The following SHANK2 variants were observed in gnomAD, a reference collection of about 807,000 sequenced individuals.
SHANK2 encodes the protein SH3 and multiple ankyrin repeat domains 2, also known as SH3 and multiple ankyrin repeat domains protein 2.
In SHANK2, 43 loss-of-function variants were observed where a neutral mutation model predicts 133.7. The observed-to-expected ratio is 0.32, with a 90% CI of 0.25 to 0.41. SHANK2 has a LOEUF of 0.41. Ranked by LOEUF, SHANK2 falls within the 10% of genes least tolerant of loss-of-function variation. The pLI is 1.00. For missense variants in SHANK2, 1,994 were observed against 2,235.8 expected (o/e 0.89, Z 2.18); for synonymous variants, 1,017 against 952.8 (o/e 1.07, Z -1.24).
chr11:71,108,272 C>T (rs1248439019), intron 6 of SHANK2, among the ~76,000 whole-genome samples: 1 of 152,228 alleles, frequency 6.6e-6, no homozygotes, highest in African/African-American at 2.4e-5. Flanking sequence ...GACGCATCCA[C>T]GTCAGGGAAA....
intron 9 of SHANK2, among the ~76,000 whole-genome samples, chr11:71,066,038 G>GT (rs1951053132): frequency 1.0e-4 from 5 of 49,078 alleles, no homozygotes; most frequent in Non-Finnish European, 1.5e-4. Flanking sequence ...GGGGAAGTTG[G>GT]GGGAGGGTAC....
intron 17 of SHANK2, among the ~76,000 whole-genome samples, chr11:70,573,551 G>GT (rs1439738711): frequency 1.0e-5 from 1 of 96,784 alleles, no homozygotes. Context: ...TGTGGGGGCG[G>GT]GGGGGGGGTG....
At chr11:70,577,485 G>A (rs1194402931) in intron 17 of SHANK2, among the ~76,000 whole-genome samples, 2 of 152,242 alleles carry the variant, frequency 1.3e-5, no homozygotes, top group African/African-American at 4.8e-5. Flanking sequence ...GCCACAGGCG[G>A]GTTTGCAGAA....
At chr11:70,874,727 G>A (rs1001376819) in intron 11 of SHANK2, among the ~76,000 whole-genome samples, 10 of 146,700 alleles carry the variant, frequency 6.8e-5, no homozygotes, top group African/African-American at 1.5e-4. Context: ...ATCCACTGCC[G>A]TTTCAAATTT....
intron 9 of SHANK2, among the ~76,000 whole-genome samples, chr11:71,069,085 CCAT>C (rs1415635282): frequency 2.0e-5 from 3 of 149,724 alleles, no homozygotes; most frequent in African/African-American, 7.4e-5. Context: ...ACCACCACCA[CCAT>C]CATCACCATC....
chr11:70,911,223 TTTTTG>T (rs1224508710), intron 10 of SHANK2: 19 of 455,836 alleles, frequency 4.2e-5, no homozygotes, highest in Non-Finnish European at 7.5e-5. Flanking sequence ...GTTGTTGTTC[TTTTTG>T]TTTTGTTTTG....
chr11:70,473,573 G>T lies in SHANK2; in HGVS notation c.4980-134C>A. ...GTCTAGTGGCAGATCCACTGGCAGT[G>T]AACGAATGATTTGCCATGCCAGGGT... On this transcript the variant is annotated intron_variant, in intron 25 of 25. Transcript: ENST00000601538. The surrounding 1 kb of genome is among the most constrained non-coding windows in gnomAD (Gnocchi z 5.9). The T allele has an allele frequency of 2.4e-6, 2 of 818,692 alleles. No homozygotes were observed. Among genetic ancestry groups the T allele is most frequent in the Non-Finnish European group, 4.0e-6 (2 of 498,256 alleles). 50.7% of individuals were successfully genotyped at this position (818,692 alleles called of 1,614,324 possible). A position where few individuals can be genotyped will look rare whatever the true frequency, so the allele number is the denominator to read the frequency against.
intron 11 of SHANK2, chr11:70,826,538 T>C (rs904296012): frequency 6.4e-6 from 3 of 471,160 alleles, no homozygotes; most frequent in Admixed American, 4.7e-5. Context: ...CCGCTCATTA[T>C]ATAACCTTCC....
intron 2 of SHANK2, among the ~76,000 whole-genome samples, chr11:71,200,829 AAT>A: frequency 8.9e-6 from 1 of 112,032 alleles, no homozygotes; most frequent in Non-Finnish European, 1.7e-5. Flanking sequence ...AGTCTCAATT[AAT>A]ACACACACAC....
chr11:70,889,629 T>TC (rs2094858471), intron 11 of SHANK2, among the ~76,000 whole-genome samples: 1 of 152,096 alleles, frequency 6.6e-6, no homozygotes, highest in Non-Finnish European at 1.5e-5. Context: ...GACCACTGAG[T>TC]CAGACTCTGA....
At chr11:71,242,220 G>C (rs1714061882) in intron 1 of SHANK2, among the ~76,000 whole-genome samples, 1 of 151,986 alleles carries the variant, frequency 6.6e-6, no homozygotes, top group Non-Finnish European at 1.5e-5. Context: ...TGGTCGCCAG[G>C]GGCTGGGAGA....
At chr11:70,798,297 G>A (rs1372745944) in intron 14 of SHANK2, 146 bp downstream of exon 14, 3 of 657,116 alleles carry the variant, frequency 4.6e-6, no homozygotes, top group African/African-American at 3.6e-5. Context: ...CAACCAACCT[G>A]TTTCCAAAGA....
rs145135404 is a variant in SHANK2, at chr11:70,541,657, C to T, written c.2062-38726G>A. Among the ~76,000 whole-genome samples, 934 of 152,334 alleles carry T rather than the reference C, an allele frequency of 6.1e-3. 8 individuals are homozygous for T. The highest frequency in any genetic ancestry group is 0.022 in the African/African-American group (896 of 41,570). ...ATGGCCTAAGGCAGTGGTTTTCAAG[C>T]GGGGGAAACGGTGCCCCCCACAAAA... is the stretch of plus-strand genomic sequence containing the variant. On this transcript the variant is annotated intron_variant, in intron 17 of 25. Coordinates refer to ENST00000601538, the MANE Select transcript of SHANK2 (RefSeq NM_012309.5).
At chr11:71,094,183 C>T (rs1156828963) in intron 7 of SHANK2, among the ~76,000 whole-genome samples, 1 of 152,094 alleles carries the variant, frequency 6.6e-6, no homozygotes, top group Non-Finnish European at 1.5e-5. Context: ...TGGCTTAACA[C>T]CACCCACTCA....
chr11:70,581,576 A>G (rs1435644920), intron 17 of SHANK2, among the ~76,000 whole-genome samples: 1 of 152,204 alleles, frequency 6.6e-6, no homozygotes, highest in East Asian at 1.9e-4. Flanking sequence ...CTGTAATCCC[A>G]GCTACTCGGG....
At chr11:70,877,350 C>A (rs548299681) in intron 11 of SHANK2, among the ~76,000 whole-genome samples, 1 of 152,222 alleles carries the variant, frequency 6.6e-6, no homozygotes, top group Non-Finnish European at 1.5e-5. Flanking sequence ...GCTTCCTGGG[C>A]CGGATTTCTA....
At chr11:71,110,529 G>A (rs764131515) in intron 5 of SHANK2, among the ~76,000 whole-genome samples, 2 of 152,288 alleles carry the variant, frequency 1.3e-5, no homozygotes, top group African/African-American at 2.4e-5. Context: ...CGCCTGAGCC[G>A]AGGCTGCAGT....
chr11:70,661,554 C>T (rs782251921), intron 16 of SHANK2, 42 bp downstream of exon 16: 2 of 1,353,584 alleles, frequency 1.5e-6, no homozygotes, highest in Non-Finnish European at 2.1e-6. Flanking sequence ...CACACACACA[C>T]AAACATGGGA....
rs530508361 is a variant in SHANK2 at position 71,116,183 on chromosome 11, C to A, written c.411+2646G>T. Among the ~76,000 whole-genome samples, 63 of 152,218 alleles carry A rather than the reference C, an allele frequency of 4.1e-4. 2 individuals carry two copies. The highest frequency in any genetic ancestry group is 5.0e-4 in the Non-Finnish European group (34 of 68,048). On this transcript the variant is annotated intron_variant, in intron 4 of 25. Coordinates refer to ENST00000601538, the MANE Select transcript of SHANK2 (RefSeq NM_012309.5). ...GGGTGGGCGTCCATGACATCTTGGG[C>A]TTCAGAGGAATCCCTAGTCACTGAG... is the stretch of plus-strand genomic sequence containing the variant.
Sources: gnomAD v4.1 joint callset for allele counts (sites outside exome capture counted in the v4.1 genomes callset) on GRCh38, gnomAD v4.1.1 for gene constraint, Gnocchi (gnomAD v3.1) non-coding constraint, MANE v1.5 for transcripts, NCBI Gene and HGNC (gene_info 2026-07-23, HGNC 2026-07-21) for gene names.